BRI3BP: variants seen among roughly 807,000 people sequenced by gnomAD.
The protein encoded by BRI3BP is BRI3 binding protein, also known as BRI3-binding protein.
In BRI3BP, 7 loss-of-function variants were observed where a neutral mutation model predicts 15.8. The observed-to-expected ratio is 0.44, with a 90% CI of 0.25 to 0.83. BRI3BP has a LOEUF of 0.83. BRI3BP is among the 40% of genes least tolerant of loss of function. BRI3BP has a pLI of 0.20. For synonymous variants in BRI3BP, 192 were observed against 163.5 expected, an observed-to-expected ratio of 1.17 and a Z score of -1.33; for missense variants, 320 against 339.3, an observed-to-expected ratio of 0.94 and a Z score of 0.45.
At chr12:125,016,702 AT>A (rs1325667095) in intron 2 of BRI3BP, among the ~76,000 whole-genome samples, 4 of 149,216 alleles carry the variant, frequency 2.7e-5, no homozygotes, top group Non-Finnish European at 4.4e-5. Flanking sequence ...ATTTTTCTGT[AT>A]TTTTAGTAGA....
chr12:125,046,427 G>T, the BRI3BP span, among the ~76,000 whole-genome samples: 1 of 151,990 alleles, frequency 6.6e-6, no homozygotes, highest in African/African-American at 2.4e-5. Context: ...GGTGGCTCAC[G>T]CCTGTAGTCC....
intron 2 of BRI3BP, among the ~76,000 whole-genome samples, chr12:125,014,444 G>T (rs1955223844): frequency 6.6e-6 from 1 of 152,194 alleles, no homozygotes; most frequent in African/African-American, 2.4e-5. Flanking sequence ...GATTTATTGT[G>T]ACGGAAGGAC....
chr12:125,042,409 G>A, the BRI3BP span, among the ~76,000 whole-genome samples: 1 of 151,346 alleles, frequency 6.6e-6, no homozygotes. Flanking sequence ...GTTGGACTTA[G>A]TGCAAATTAT....
chr12:125,024,956 C>T (rs7303493), intron 2 of BRI3BP, 35 bp from the exon 3 acceptor site: 630,698 of 1,555,586 alleles, frequency 0.41, 132,246 homozygotes, highest in African/African-American at 0.63. Flanking sequence ...CTGGCCCCTG[C>T]GTAACGAGCC....
In BRI3BP at chr12:125,029,075, C is replaced by T. The variant is rs1048523893; in HGVS notation, c.*3645C>T. The T allele has an allele frequency of 6.6e-6, 1 of 152,054 alleles. No individual in the cohort carries two copies. The highest frequency in any genetic ancestry group is 2.4e-5 in the African/African-American group (1 of 41,382). The allele number at this position is 152,054 out of a possible 1,614,324, so 9.4% of individuals were successfully genotyped here. ...AGTATCACAGTAAATACTTGTTTTA[C>T]TGAGAACAGAAAATAATCCAGAAAA... On this transcript the variant is annotated 3_prime_UTR_variant, in exon 3 of 3. Coordinates refer to ENST00000341446, the MANE Select transcript of BRI3BP (RefSeq NM_080626.6).
At chr12:125,005,539 C>T (rs1370413007) in intron 1 of BRI3BP, among the ~76,000 whole-genome samples, 4 of 152,002 alleles carry the variant, frequency 2.6e-5, no homozygotes, top group African/African-American at 9.7e-5. Context: ...GAGGCCGAGG[C>T]GGGCAGATCA....
intron 2 of BRI3BP, among the ~76,000 whole-genome samples, chr12:125,017,871 G>A (rs892786925): frequency 2.0e-5 from 3 of 152,160 alleles, no homozygotes; most frequent in Non-Finnish European, 4.4e-5. Flanking sequence ...CCGGAAACTG[G>A]ATCCCCTGGT....
At chr12:125,033,171 A>G (rs1000536248), downstream of BRI3BP, among the ~76,000 whole-genome samples, 1 of 152,194 alleles carries the variant, frequency 6.6e-6, no homozygotes, top group African/African-American at 2.4e-5. Flanking sequence ...AACAAAAAAA[A>G]CAAACACAAA....
intron 1 of BRI3BP, among the ~76,000 whole-genome samples, chr12:125,012,197 C>T (rs1955202259): frequency 6.6e-6 from 1 of 152,072 alleles, no homozygotes; most frequent in Non-Finnish European, 1.5e-5. Flanking sequence ...AGAAATCAGG[C>T]AGAGGAAGGC....
At chr12:125,043,718 G>A in the BRI3BP span, among the ~76,000 whole-genome samples, 58,480 of 151,890 alleles carry the variant, frequency 0.39, 12,899 homozygotes, top group Non-Finnish European at 0.5. Flanking sequence ...TTAGCCAGTC[G>A]TGGTTGTGCG....
At chr12:125,022,079 TAAAAAAA>T (rs57327862) in intron 2 of BRI3BP, among the ~76,000 whole-genome samples, 66,822 of 129,218 alleles carry the variant, frequency 0.52, 17,020 homozygotes, top group African/African-American at 0.69. Context: ...GACCCTGTCT[TAAAAAAA>T]AAAAAAAAAA....
chr12:125,041,615 T>C, the BRI3BP span, among the ~76,000 whole-genome samples: 1 of 152,324 alleles, frequency 6.6e-6, no homozygotes, highest in East Asian at 1.9e-4. Flanking sequence ...CCCCAGACGC[T>C]ATGTTCTGCT....
Position 125,028,144 on chromosome 12 carries a change from C to G in BRI3BP, c.*2714C>G, listed in dbSNP as rs1271788426. Reference sequence around the variant, plus strand: ...ATCTTCTTTCCTTTTGTGCATTTGGCTATACCACGTTTAGGTACTAAAACA... The same window carrying G: ...ATCTTCTTTCCTTTTGTGCATTTGGGTATACCACGTTTAGGTACTAAAACA... On this transcript the variant is annotated 3_prime_UTR_variant, in exon 3 of 3. Transcript: ENST00000341446. 6.6e-6 allele frequency: 1 copy of G among 152,230 alleles called. No homozygotes were observed. The highest frequency in any genetic ancestry group is 1.9e-4 in the East Asian group (1 of 5,194). 9.4% of individuals were successfully genotyped at this position (152,230 alleles called of 1,614,324 possible). A position where few individuals can be genotyped will look rare whatever the true frequency, so the allele number is the denominator to read the frequency against.
At chr12:125,039,910 A>G in the BRI3BP span, among the ~76,000 whole-genome samples, 1 of 152,360 alleles carries the variant, frequency 6.6e-6, no homozygotes, top group African/African-American at 2.4e-5. Context: ...GAAAAGCTGC[A>G]AAAGCGGAGA....
chr12:125,027,888 C>T lies in BRI3BP; in HGVS notation c.*2458C>T, dbSNP rs1955370488. On this transcript the variant is annotated 3_prime_UTR_variant, in exon 3 of 3. Transcript: ENST00000341446. ...ATTTTTAGTAGAGACGGGGTTTCAC[C>T]GTGTTAGCCAGGATGGTCTCGATCT... 6.6e-6 allele frequency: 1 copy of T among 152,074 alleles called. No individual in the cohort carries two copies. The highest frequency in any genetic ancestry group is 1.5e-5 in the Non-Finnish European group (1 of 68,006). The allele number at this position is 152,074 out of a possible 1,614,324, so 9.4% of individuals were successfully genotyped here.
At position 125,029,571 on chromosome 12, in the gene BRI3BP, T is replaced by TATATATATATAC. The variant is rs1565908702; in HGVS notation, c.*4150_*4151insTACATATATATA. 3.5e-5 allele frequency: 5 copies of TATATATATATAC among 144,010 alleles called. No individual in the cohort carries two copies. The highest frequency in any genetic ancestry group is 2.0e-4 in the East Asian group (1 of 5,038). The allele number at this position is 144,010 out of a possible 1,614,324, so 8.9% of individuals were successfully genotyped here. ...GTGTGTGTGTGTGTATATATATGTA[T>TATATATATATAC]ATATATATACACACACACACACTTT... On this transcript the variant is annotated 3_prime_UTR_variant, in exon 3 of 3. Transcript: ENST00000341446.
chr12:125,017,070 T>C (rs1164529144), intron 2 of BRI3BP, among the ~76,000 whole-genome samples: 2 of 151,322 alleles, frequency 1.3e-5, no homozygotes, highest in African/African-American at 4.9e-5. Flanking sequence ...CAGGCTAGAA[T>C]GCAGTGGCCG....
chr12:125,035,351 C>T (rs1955435060), downstream of BRI3BP, among the ~76,000 whole-genome samples: 1 of 151,720 alleles, frequency 6.6e-6, no homozygotes, highest in South Asian at 2.1e-4. Context: ...TTGGTATGAT[C>T]AGCTGTTTTC....
chr12:125,003,216 C>T (rs973067002), intron 1 of BRI3BP, among the ~76,000 whole-genome samples: 7 of 152,084 alleles, frequency 4.6e-5, no homozygotes, highest in South Asian at 2.1e-4. Flanking sequence ...GGAGGTAAAG[C>T]GAGATTAGGA....
Sources: allele counts gnomAD v4.1 joint callset (sites outside exome capture counted in the v4.1 genomes callset), GRCh38; gene constraint gnomAD v4.1.1; transcripts MANE v1.5; gene names NCBI Gene and HGNC (gene_info 2026-07-23, HGNC 2026-07-21).